Variants in GULP1 observed in about 807,000 individuals in gnomAD.
The protein encoded by GULP1 is PTB domain-containing engulfment adapter protein 1.
GULP1 carries 19 observed loss-of-function variants against 40.9 expected under a neutral mutation model. That is an observed-to-expected ratio of 0.46 (90% CI 0.32 to 0.68). The LOEUF is 0.68. GULP1 is among the 30% of genes least tolerant of loss of function. The pLI is 0.03. For synonymous variants in GULP1, 119 were observed against 117.6 expected (o/e 1.01, Z -0.08); for missense variants, 312 against 362.2 (o/e 0.86, Z 1.12).
chr2:188,465,169 G>C (rs1185704567), intron 2 of GULP1, among the ~76,000 whole-genome samples: 1 of 152,092 alleles, frequency 6.6e-6, no homozygotes, highest in Non-Finnish European at 1.5e-5. Flanking sequence ...TCTTAATGTA[G>C]TACCTGGGTA....
intron 2 of GULP1, among the ~76,000 whole-genome samples, chr2:188,475,323 T>A (rs1317249306): frequency 6.6e-6 from 1 of 152,102 alleles, no homozygotes; most frequent in East Asian, 1.9e-4. Context: ...TGTTTTAGAG[T>A]CATTGTATTA....
chr2:188,583,687 A>G (rs545139920), intron 9 of GULP1, among the ~76,000 whole-genome samples: 5 of 152,276 alleles, frequency 3.3e-5, no homozygotes, highest in African/African-American at 1.2e-4. Context: ...ATTACAGAAA[A>G]CTTGATGAAA....
At chr2:188,475,160 CA>C (rs1686126459) in intron 2 of GULP1, among the ~76,000 whole-genome samples, 1 of 151,750 alleles carries the variant, frequency 6.6e-6, no homozygotes, top group African/African-American at 2.4e-5. Flanking sequence ...ACGTGTTTTA[CA>C]AAAAAAGTGT....
chr2:188,459,548 T>C (rs1325844938), intron 2 of GULP1, among the ~76,000 whole-genome samples: 1 of 152,154 alleles, frequency 6.6e-6, no homozygotes, highest in East Asian at 1.9e-4. Context: ...TTGTTTGACC[T>C]CCTTATATAT....
At chr2:188,320,092 A>C (rs2106566864) in intron 1 of GULP1, among the ~76,000 whole-genome samples, 1 of 152,238 alleles carries the variant, frequency 6.6e-6, no homozygotes, top group South Asian at 2.1e-4. Flanking sequence ...AGATGTTGTC[A>C]AATGTCCCTG....
chr2:188,377,687 G>A (rs2048468770), intron 1 of GULP1, among the ~76,000 whole-genome samples: 1 of 152,108 alleles, frequency 6.6e-6, no homozygotes, highest in African/African-American at 2.4e-5. Context: ...TATGTAAATG[G>A]CACAATAAAA....
chr2:188,414,951 A>C (rs150954585), intron 2 of GULP1, among the ~76,000 whole-genome samples: 1,854 of 152,244 alleles, frequency 0.012, 16 homozygotes, highest in East Asian at 0.022. Flanking sequence ...CTTTGTATGA[A>C]ATGATAATTT....
intron 1 of GULP1, among the ~76,000 whole-genome samples, chr2:188,326,516 CAAATG>C (rs2040790237): frequency 6.6e-6 from 1 of 152,066 alleles, no homozygotes; most frequent in Non-Finnish European, 1.5e-5. Context: ...AGCCCCCCAA[CAAATG>C]AAAATTGTTG....
intron 2 of GULP1, among the ~76,000 whole-genome samples, chr2:188,406,640 A>C (rs187070939): frequency 3.3e-5 from 5 of 152,252 alleles, no homozygotes; most frequent in African/African-American, 4.8e-5. Flanking sequence ...GTAAACTTGA[A>C]GATAGGTTAT....
At chr2:188,458,737 G>A (rs539820353) in intron 2 of GULP1, among the ~76,000 whole-genome samples, 1 of 151,984 alleles carries the variant, frequency 6.6e-6, no homozygotes, top group Admixed American at 6.6e-5. Context: ...TTTGACTATA[G>A]ACATCTTTTT....
rs769066173 is a variant in GULP1, at chr2:188,584,386, G to C, written c.731G>C (p.Ser244Thr). Reference protein sequence around the residue: ...RNGTQPPPVPSRSTEIKRDLF... With the variant: ...RNGTQPPPVPTRSTEIKRDLF... ...GGCACACAGCCACCTCCAGTACCTA[G>C]TAGATCTACTGAGATTAGTAAGCTT... is the stretch of plus-strand genomic sequence containing the variant. The change falls in exon 10 of 12, where the codon AGT becomes ACT. Residue 244 changes from serine (S) to threonine (T), a missense_variant. Coordinates refer to ENST00000409830, the MANE Select transcript of GULP1 (RefSeq NM_016315.4). 6.3e-7 allele frequency: 1 copy of C among 1,598,308 alleles called. No homozygotes were observed. The highest frequency in any genetic ancestry group is 2.2e-5 in the East Asian group (1 of 44,706).
intron 9 of GULP1, among the ~76,000 whole-genome samples, chr2:188,579,216 T>G (rs1029726827): frequency 6.6e-6 from 1 of 152,148 alleles, no homozygotes; most frequent in African/African-American, 2.4e-5. Flanking sequence ...AATGGGCATA[T>G]GGTAGGAGTG....
chr2:188,508,147 G>A (rs899662765), intron 4 of GULP1, among the ~76,000 whole-genome samples: 1 of 151,788 alleles, frequency 6.6e-6, no homozygotes, highest in Non-Finnish European at 1.5e-5. Flanking sequence ...TTTTTTAAAA[G>A]GCCAAGGAAA....
intron 2 of GULP1, among the ~76,000 whole-genome samples, chr2:188,436,401 G>T (rs2057409723): frequency 6.6e-6 from 1 of 152,042 alleles, no homozygotes; most frequent in Non-Finnish European, 1.5e-5. Context: ...TCATAGGTAT[G>T]ATATTCCGAT....
intron 1 of GULP1, among the ~76,000 whole-genome samples, chr2:188,365,724 T>G (rs548147022): frequency 5.3e-5 from 8 of 152,248 alleles, no homozygotes; most frequent in African/African-American, 1.9e-4. Context: ...CGGACTCTAG[T>G]TGGCCCTGCA....
intron 9 of GULP1, 89 bp downstream of exon 9, chr2:188,570,209 T>C: frequency 1.6e-6 from 1 of 644,852 alleles, no homozygotes; most frequent in South Asian, 1.9e-5. Context: ...ATATAATACT[T>C]GGGGATCAGT....
intron 2 of GULP1, among the ~76,000 whole-genome samples, chr2:188,453,069 C>T (rs1377172711): frequency 1.3e-5 from 2 of 151,880 alleles, no homozygotes; most frequent in African/African-American, 2.4e-5. Context: ...CCTTGCATCT[C>T]AGCCTCCCAA....
At chr2:188,574,692 A>G (rs1699812944) in intron 9 of GULP1, among the ~76,000 whole-genome samples, 10 of 152,180 alleles carry the variant, frequency 6.6e-5, no homozygotes. Flanking sequence ...ACTTGGCTAG[A>G]TAACTAAAAA....
intron 11 of GULP1, chr2:188,589,504 T>C (rs189080890): frequency 2.7e-5 from 9 of 329,220 alleles, no homozygotes; most frequent in African/African-American, 1.9e-4. Context: ...GCACAGGTCA[T>C]ACAGAGTACT....
Sources: gnomAD v4.1 joint callset for allele counts (sites outside exome capture counted in the v4.1 genomes callset) on GRCh38, gnomAD v4.1.1 for gene constraint, MANE v1.5 for transcripts, NCBI Gene and HGNC (gene_info 2026-07-23, HGNC 2026-07-21) for gene names.